The following DAPK2 variants were observed in gnomAD, a reference collection of about 807,000 sequenced individuals.
DAPK2 encodes death-associated protein kinase 2.
A neutral mutation model predicts 44.1 loss-of-function variants in DAPK2; 35 were observed. That is an observed-to-expected ratio of 0.79 (90% confidence interval 0.61 to 1.05). The LOEUF (loss-of-function observed/expected upper bound fraction) is 1.05. Among genes scored for constraint, DAPK2 ranks in the 50% least tolerant of loss-of-function variants. The pLI, the probability that DAPK2 is intolerant of heterozygous loss-of-function variation, is 0.00. For synonymous variants in DAPK2, 174 were observed against 182.6 expected, an observed-to-expected ratio of 0.95 and a Z score of 0.38; for missense variants, 453 against 483.2, an observed-to-expected ratio of 0.94 and a Z score of 0.59.
chr15:63,925,829 C>T (rs2140335489), intron 7 of DAPK2, 112 bp downstream of exon 8: 2 of 1,394,890 alleles, frequency 1.4e-6, no homozygotes, highest in Non-Finnish European at 2.0e-6. Context: ...GATTAGACCA[C>T]AACAGTGCAG....
chr15:64,046,408 G>GA, upstream of DAPK2: 3 of 345,710 alleles, frequency 8.7e-6, no homozygotes, highest in African/African-American at 2.2e-5. The surrounding 1 kb of genome is among the most constrained non-coding windows in gnomAD (Gnocchi z 5.3). Context: ...GACGCGGCGG[G>GA]GTGCGCTGGG....
chr15:64,001,968 C>T (rs2079096480), intron 1 of DAPK2, among the ~76,000 whole-genome samples: 1 of 152,182 alleles, frequency 6.6e-6, no homozygotes, highest in South Asian at 2.1e-4. Flanking sequence ...TATGAACAAA[C>T]ACAAATTAAT....
intron 1 of DAPK2, among the ~76,000 whole-genome samples, chr15:64,038,373 G>A (rs1595926410): frequency 2.0e-5 from 3 of 152,196 alleles, no homozygotes; most frequent in South Asian, 2.1e-4. Context: ...GTTTGTTGCC[G>A]AGAATGGCAT....
intron 1 of DAPK2, among the ~76,000 whole-genome samples, chr15:64,031,843 G>C (rs1485322368): frequency 6.6e-6 from 1 of 152,212 alleles, no homozygotes; most frequent in African/African-American, 2.4e-5. Flanking sequence ...AGGGTGTTAT[G>C]AGAATTAAAC....
intron 3 of DAPK2, among the ~76,000 whole-genome samples, chr15:63,960,720 TATA>T (rs1175333299): frequency 2.0e-5 from 3 of 152,228 alleles, no homozygotes; most frequent in Non-Finnish European, 4.4e-5. Context: ...GAGAGACAGT[TATA>T]ATATCTGTTC....
intron 1 of DAPK2, among the ~76,000 whole-genome samples, chr15:64,037,591 T>C (rs2080244395): frequency 6.6e-6 from 1 of 152,152 alleles, no homozygotes; most frequent in South Asian, 2.1e-4. Flanking sequence ...GGATGGTGCG[T>C]GGCACACAGT....
upstream of DAPK2, among the ~76,000 whole-genome samples, chr15:64,042,964 T>A (rs892688128): frequency 7.9e-5 from 12 of 152,164 alleles, no homozygotes; most frequent in African/African-American, 2.9e-4. This position sits in a 1 kb window ranked among gnomAD's most constrained non-coding sequence, Gnocchi z 4.7. Flanking sequence ...CTTTTTAGGG[T>A]TCGAGTTGAT....
intron 1 of DAPK2, among the ~76,000 whole-genome samples, chr15:64,025,470 G>T (rs890752006): frequency 2.0e-5 from 3 of 152,150 alleles, no homozygotes; most frequent in Admixed American, 2.0e-4. Flanking sequence ...TCCCTGGAAG[G>T]ATGTCAGGGC....
chr15:64,034,440 C>A (rs8027855), intron 1 of DAPK2, among the ~76,000 whole-genome samples: 1 of 152,030 alleles, frequency 6.6e-6, no homozygotes, highest in Non-Finnish European at 1.5e-5. Context: ...CCTTCCCCCG[C>A]CGAAGTCTCT....
intron 1 of DAPK2, among the ~76,000 whole-genome samples, chr15:63,996,290 T>A (rs2140937717): frequency 6.6e-6 from 1 of 152,138 alleles, no homozygotes; most frequent in Non-Finnish European, 1.5e-5. Context: ...CAAAATTGTT[T>A]TAATTAGCTG....
chr15:63,919,522 G>A (rs973676042), intron 8 of DAPK2: 1 of 152,104 alleles, frequency 6.6e-6, no homozygotes, highest in Non-Finnish European at 1.5e-5. Context: ...TGTCACCCAG[G>A]CTGGAGTGCA....
At chr15:64,003,651 G>C (rs2079154604) in intron 1 of DAPK2, among the ~76,000 whole-genome samples, 1 of 151,956 alleles carries the variant, frequency 6.6e-6, no homozygotes, top group African/African-American at 2.4e-5. Context: ...TGTCACCCAG[G>C]CTGGAGTGCA....
In DAPK2 at chr15:64,046,319, G is replaced by GGCA. The variant is rs2080462268; in HGVS notation, c.-29_-28insTGC. The GGCA allele has an allele frequency of 1.0e-6, 1 of 958,960 alleles. No individual in the cohort carries two copies. Among genetic ancestry groups the GGCA allele is most frequent in the South Asian group, 5.1e-5 (1 of 19,652 alleles). 59.4% of individuals were successfully genotyped at this position (958,960 alleles called of 1,614,324 possible). On this transcript the variant is annotated 5_prime_UTR_variant, in exon 1 of 12. Coordinates refer to the DAPK2 transcript ENST00000457488. This position sits in a 1 kb window ranked among gnomAD's most constrained non-coding sequence, Gnocchi z 5.3. ...TCACGGCGGGAGGCTGAGCTGCCGC[G>GGCA]GTCGCGGCCGCGGCAGGCGCGGCGG...
At chr15:63,987,244 T>G (rs1323265781) in intron 1 of DAPK2, among the ~76,000 whole-genome samples, 1 of 152,048 alleles carries the variant, frequency 6.6e-6, no homozygotes, top group Non-Finnish European at 1.5e-5. Flanking sequence ...CAAGGGCAGG[T>G]GACAGCAACA....
chr15:64,036,307 G>A (rs371049769), intron 1 of DAPK2, among the ~76,000 whole-genome samples: 14,417 of 52,472 alleles, frequency 0.27, 2,194 homozygotes, highest in African/African-American at 0.42. Flanking sequence ...GTGTGTGTGT[G>A]TGTATATATA....
chr15:63,910,703 G>T (rs2078763908), intron 10 of DAPK2: 1 of 152,292 alleles, frequency 6.6e-6, no homozygotes. Flanking sequence ...ACCATACCTG[G>T]CTAATTTTTT....
intron 6 of DAPK2, chr15:63,926,310 A>C: frequency 2.1e-6 from 1 of 479,122 alleles, no homozygotes; most frequent in South Asian, 2.9e-5. Context: ...ACAGAGAGAA[A>C]TTGTGTCTTC....
rs112701131 is a variant in DAPK2, at chr15:63,976,616, G to T, written c.315-5055C>A. Among the ~76,000 whole-genome samples the T allele has an allele frequency of 5.4e-3, 815 of 152,176 alleles. 10 individuals carry two copies. The highest frequency in any genetic ancestry group is 0.019 in the African/African-American group (785 of 41,512). ...ACCTGTAGTTCCAGCTACTTAGGAG[G>T]TTGAGAGGATCACCTGAGGTCGAGG... On this transcript the variant is annotated intron_variant, in intron 2 of 10. Coordinates refer to ENST00000261891, the Ensembl canonical transcript of DAPK2.
At chr15:64,024,478 G>C (rs2032946299) in intron 1 of DAPK2, among the ~76,000 whole-genome samples, 1 of 152,192 alleles carries the variant, frequency 6.6e-6, no homozygotes, top group Non-Finnish European at 1.5e-5. Context: ...GAAAAGTGGA[G>C]ACTCAGATTC....
Sources: allele counts gnomAD v4.1 joint callset (sites outside exome capture counted in the v4.1 genomes callset), GRCh38; gene constraint gnomAD v4.1.1; non-coding constraint Gnocchi (gnomAD v3.1); transcripts MANE v1.5; gene names NCBI Gene and HGNC (gene_info 2026-07-23, HGNC 2026-07-21).